Variants in EFCAB11 observed in about 807,000 individuals in gnomAD.
EFCAB11 encodes EF-hand calcium-binding domain-containing protein 11.
A neutral mutation model predicts 23.0 loss-of-function variants in EFCAB11; 14 were observed. The observed-to-expected ratio is 0.61, with a 90% CI of 0.40 to 0.95. The LOEUF (loss-of-function observed/expected upper bound fraction) is 0.95, where lower values mean the gene tolerates loss of function less well. EFCAB11 is among the 40% of genes least tolerant of loss of function. EFCAB11 has a pLI of 0.00. For missense variants in EFCAB11, 198 were observed against 195.8 expected (o/e 1.01, Z -0.07); for synonymous variants, 65 against 66.6 (o/e 0.98, Z 0.11).
At chr14:89,928,187 G>A (rs1051951643) in intron 5 of EFCAB11, among the ~76,000 whole-genome samples, 2 of 151,974 alleles carry the variant, frequency 1.3e-5, no homozygotes, top group Admixed American at 1.3e-4. Flanking sequence ...CAAGATTTGT[G>A]GGCATATACT....
chr14:89,801,311 C>T (rs1885773129), intron 5 of EFCAB11, among the ~76,000 whole-genome samples: 1 of 152,190 alleles, frequency 6.6e-6, no homozygotes, highest in African/African-American at 2.4e-5. Flanking sequence ...GGCACACACA[C>T]ACTGTGGGGG....
At chr14:89,896,419 G>A (rs533041896) in intron 5 of EFCAB11, among the ~76,000 whole-genome samples, 2 of 152,066 alleles carry the variant, frequency 1.3e-5, no homozygotes, top group East Asian at 3.9e-4. Context: ...GCAAGAGTTG[G>A]AGAGGATGCC....
chr14:89,916,507 C>G (rs7158821), intron 5 of EFCAB11, among the ~76,000 whole-genome samples: 27,857 of 152,172 alleles, frequency 0.18, 6,023 homozygotes, highest in African/African-American at 0.52. Context: ...GTCTAAATCT[C>G]CAATTGAAAG....
chr14:89,952,322 A>T (rs1283150560), intron 2 of EFCAB11: 1 of 840,910 alleles, frequency 1.2e-6, no homozygotes, highest in African/African-American at 1.8e-5. Context: ...CTGTCATTAA[A>T]TTCCTCATTC....
intron 5 of EFCAB11, among the ~76,000 whole-genome samples, chr14:89,906,221 T>A (rs531814156): frequency 2.4e-4 from 34 of 142,956 alleles, no homozygotes; most frequent in African/African-American, 6.2e-4. Flanking sequence ...ATAAATAAAT[T>A]AAAGGTAACT....
At chr14:89,849,093 T>C (rs1887518798) in intron 5 of EFCAB11, among the ~76,000 whole-genome samples, 1 of 152,204 alleles carries the variant, frequency 6.6e-6, no homozygotes, top group African/African-American at 2.4e-5. Context: ...TGTAGGCTAT[T>C]AGTTCCAATG....
chr14:89,881,452 CATAT>C (rs10530483), intron 5 of EFCAB11, among the ~76,000 whole-genome samples: 7 of 46,710 alleles, frequency 1.5e-4, no homozygotes, highest in East Asian at 6.1e-4. Context: ...TATGACTTGG[CATAT>C]ATATATATAT....
At chr14:89,800,834 G>A (rs1885752853) in intron 5 of EFCAB11, among the ~76,000 whole-genome samples, 1 of 152,082 alleles carries the variant, frequency 6.6e-6, no homozygotes, top group South Asian at 2.1e-4. Flanking sequence ...CTTGAGGTCA[G>A]GAGTTCGAGA....
Position 89,797,146 on chromosome 14 carries a change from A to T in EFCAB11, c.*97T>A. 1 of 1,207,146 alleles carries T rather than the reference A, an allele frequency of 8.3e-7. No homozygotes were observed. Among genetic ancestry groups the T allele is most frequent in the East Asian group, 2.4e-5 (1 of 41,464 alleles). 74.8% of individuals were successfully genotyped at this position (1,207,146 alleles called of 1,614,324 possible). ...AAAATTAAAAATTTTTAAATGTTTA[A>T]TCACAAGTCTGTAGCATGACATCAT... On this transcript the variant is annotated 3_prime_UTR_variant, in exon 6 of 6. Coordinates refer to ENST00000316738, the MANE Select transcript of EFCAB11 (RefSeq NM_145231.4).
At chr14:89,893,226 G>A (rs1325078582) in intron 5 of EFCAB11, among the ~76,000 whole-genome samples, 1 of 152,204 alleles carries the variant, frequency 6.6e-6, no homozygotes, top group Non-Finnish European at 1.5e-5. Flanking sequence ...GAAATTCCAA[G>A]GGGAGCTTGG....
intron 5 of EFCAB11, among the ~76,000 whole-genome samples, chr14:89,863,223 C>A (rs948529012): frequency 1.3e-5 from 2 of 152,118 alleles, no homozygotes; most frequent in African/African-American, 2.4e-5. Context: ...TCCAACAACT[C>A]AATGTTAAAG....
intron 5 of EFCAB11, among the ~76,000 whole-genome samples, chr14:89,927,750 T>C (rs147166024): frequency 2.6e-5 from 4 of 151,994 alleles, no homozygotes; most frequent in African/African-American, 9.6e-5. Flanking sequence ...AGACGGAGTC[T>C]CGCTCTTGTT....
chr14:89,848,077 G>A (rs1038840622), intron 5 of EFCAB11, among the ~76,000 whole-genome samples: 2 of 152,160 alleles, frequency 1.3e-5, no homozygotes, highest in African/African-American at 2.4e-5. Flanking sequence ...TCAACTGAAT[G>A]CCCTCATGCT....
intron 2 of EFCAB11, among the ~76,000 whole-genome samples, chr14:89,953,428 A>G (rs1267371002): frequency 6.6e-6 from 1 of 152,228 alleles, no homozygotes; most frequent in Non-Finnish European, 1.5e-5. Context: ...AATTACACAA[A>G]AAAACTGTTA....
intron 5 of EFCAB11, among the ~76,000 whole-genome samples, chr14:89,822,125 A>C (rs1241300314): frequency 6.6e-6 from 1 of 152,170 alleles, no homozygotes; most frequent in African/African-American, 2.4e-5. Flanking sequence ...TTTACACCGA[A>C]TCTATTGTTA....
intron 5 of EFCAB11, among the ~76,000 whole-genome samples, chr14:89,914,972 CCGCCCACA>C (rs1406650966): frequency 6.6e-6 from 1 of 151,984 alleles, no homozygotes; most frequent in Non-Finnish European, 1.5e-5. Flanking sequence ...CTAGCCGCCC[CCGCCCACA>C]CACACACAAA....
intron 3 of EFCAB11, among the ~76,000 whole-genome samples, chr14:89,949,209 T>C (rs1023486618): frequency 6.6e-6 from 1 of 152,038 alleles, no homozygotes; most frequent in Non-Finnish European, 1.5e-5. Flanking sequence ...CTATTACACA[T>C]TACATGCCTA....
At chr14:89,864,418 C>T (rs1888022310) in intron 5 of EFCAB11, among the ~76,000 whole-genome samples, 1 of 151,816 alleles carries the variant, frequency 6.6e-6, no homozygotes, top group Non-Finnish European at 1.5e-5. Flanking sequence ...TTTCCTTTTT[C>T]CTTTTGTTTC....
chr14:89,851,447 A>G (rs1110267), intron 5 of EFCAB11, among the ~76,000 whole-genome samples: 2,420 of 152,350 alleles, frequency 0.016, 58 homozygotes, highest in African/African-American at 0.056. Context: ...ACTTGGCTAA[A>G]TGAAGGGCTA....
Sources: gnomAD v4.1 joint callset for allele counts (sites outside exome capture counted in the v4.1 genomes callset) on GRCh38, gnomAD v4.1.1 for gene constraint, MANE v1.5 for transcripts, NCBI Gene and HGNC (gene_info 2026-07-23, HGNC 2026-07-21) for gene names.